The following CMSS1 variants were observed in gnomAD, a reference collection of about 807,000 sequenced individuals.
CMSS1 encodes protein CMSS1.
Under a neutral mutation model 43.5 loss-of-function variants are expected in CMSS1, and 33 were observed. The ratio of observed to expected loss-of-function variants is 0.76; its 90% CI spans 0.57 to 1.01. The LOEUF is 1.01. Among genes scored for constraint, CMSS1 ranks in the 50% least tolerant of loss-of-function variants. The probability of loss-of-function intolerance (pLI) is 0.00; values close to 1 mark genes in which losing one functional copy is unlikely to be tolerated. For missense variants in CMSS1, 313 were observed against 326.4 expected (o/e 0.96, Z 0.32); for synonymous variants, 115 against 117.2 (o/e 0.98, Z 0.12).
chr3:99,856,942 C>A (rs771112295), intron 1 of CMSS1, among the ~76,000 whole-genome samples: 1 of 152,078 alleles, frequency 6.6e-6, no homozygotes, highest in East Asian at 1.9e-4. Context: ...TAATTCTTAC[C>A]GCTTTTGATT....
chr3:99,859,644 G>A (rs1944141542), intron 1 of CMSS1, among the ~76,000 whole-genome samples: 1 of 152,060 alleles, frequency 6.6e-6, no homozygotes, highest in Non-Finnish European at 1.5e-5. Flanking sequence ...AGCAATTCTT[G>A]TCTAATACAT....
chr3:99,850,624 A>T lies in CMSS1; in HGVS notation c.64+32581A>T, dbSNP rs756489358. The T allele has an allele frequency of 3.1e-6, 5 of 1,613,832 alleles. No individual in the cohort carries two copies. The South Asian group carries it at 5.5e-5, about 18-fold the overall frequency. ...ACTGATTTTTTCTTTTATATCTTGC[A>T]GCTCCTCTTCTGCTTTTCGTAAAGA... On this transcript the variant is annotated intron_variant, in intron 1 of 9. Coordinates refer to ENST00000421999, the MANE Select transcript of CMSS1 (RefSeq NM_032359.4).
intron 1 of CMSS1, chr3:99,850,996 G>GT (rs776050654): frequency 1.5e-5 from 25 of 1,613,696 alleles, no homozygotes; most frequent in Non-Finnish European, 2.0e-5. Flanking sequence ...CTCTTTCAGG[G>GT]TGGTGACCCT....
At chr3:99,988,774 A>T (rs1709428876) in intron 1 of CMSS1, among the ~76,000 whole-genome samples, 1 of 152,220 alleles carries the variant, frequency 6.6e-6, no homozygotes, top group Admixed American at 6.5e-5. Context: ...ATAGTATAAT[A>T]ACACTTAAAC....
intron 1 of CMSS1, among the ~76,000 whole-genome samples, chr3:100,021,962 A>T (rs6790883): frequency 0.052 from 4,919 of 94,954 alleles, 68 homozygotes; most frequent in Non-Finnish European, 0.062. Flanking sequence ...TGTGTGTGTG[A>T]GAGAGAGAGA....
At chr3:99,897,970 A>G (rs1706312886) in intron 1 of CMSS1, among the ~76,000 whole-genome samples, 1 of 152,194 alleles carries the variant, frequency 6.6e-6, no homozygotes, top group South Asian at 2.1e-4. Flanking sequence ...TTAAGAAAAG[A>G]TATCCTACCT....
chr3:99,949,467 G>A (rs1559700195), intron 1 of CMSS1, among the ~76,000 whole-genome samples: 1 of 152,200 alleles, frequency 6.6e-6, no homozygotes, highest in Non-Finnish European at 1.5e-5. Flanking sequence ...ATGCATAACT[G>A]TCTGTGCTTC....
chr3:99,828,979 G>C (rs534761517), intron 1 of CMSS1, among the ~76,000 whole-genome samples: 301 of 152,044 alleles, frequency 2.0e-3, no homozygotes, highest in African/African-American at 6.8e-3. Flanking sequence ...TTTCAATGCT[G>C]CCCAGGCCTC....
At chr3:99,848,354 T>C in intron 1 of CMSS1, 2 of 1,614,180 alleles carry the variant, frequency 1.2e-6, no homozygotes, top group Non-Finnish European at 1.7e-6. Flanking sequence ...ATACTGCTGG[T>C]GACTTTATTG....
At chr3:100,109,008 G>A (rs981112614) in intron 1 of CMSS1, among the ~76,000 whole-genome samples, 3 of 151,536 alleles carry the variant, frequency 2.0e-5, no homozygotes, top group Non-Finnish European at 4.4e-5. Flanking sequence ...CTTTTTCAAT[G>A]CAGTTTGACA....
At chr3:100,047,445 A>T (rs2065295314) in intron 1 of CMSS1, among the ~76,000 whole-genome samples, 1 of 152,198 alleles carries the variant, frequency 6.6e-6, no homozygotes, top group Non-Finnish European at 1.5e-5. Flanking sequence ...CTATGTGTTT[A>T]AAAAAACTAA....
chr3:100,103,691 C>T (rs1241063476), intron 1 of CMSS1, among the ~76,000 whole-genome samples: 1 of 152,180 alleles, frequency 6.6e-6, no homozygotes, highest in African/African-American at 2.4e-5. Flanking sequence ...ATGGTCTCTT[C>T]CAGCAGCTAT....
intron 1 of CMSS1, among the ~76,000 whole-genome samples, chr3:99,992,546 T>G (rs2107137660): frequency 6.6e-6 from 1 of 152,262 alleles, no homozygotes; most frequent in South Asian, 2.1e-4. Flanking sequence ...TTTGAGTTCC[T>G]TGTAGATTCT....
intron 1 of CMSS1, among the ~76,000 whole-genome samples, chr3:100,135,344 A>T (rs763391435): frequency 5.4e-4 from 82 of 152,114 alleles, no homozygotes; most frequent in Admixed American, 9.2e-4. Context: ...AGGAAGAAGG[A>T]TTGGGAGCTT....
At chr3:100,145,215 C>T (rs1488105048) in intron 1 of CMSS1, among the ~76,000 whole-genome samples, 4 of 151,990 alleles carry the variant, frequency 2.6e-5, no homozygotes, top group Admixed American at 2.6e-4. Flanking sequence ...CCGAGGCAGG[C>T]GGATCACCTG....
intron 1 of CMSS1, among the ~76,000 whole-genome samples, chr3:100,041,890 A>T (rs2065211072): frequency 6.6e-6 from 1 of 152,162 alleles, no homozygotes; most frequent in Admixed American, 6.6e-5. Context: ...AATTTGATTT[A>T]AAAAAATAAT....
rs1279579100 is a variant in CMSS1 at position 100,097,446 on chromosome 3, TC to T, written c.65-49525del. Among the ~76,000 whole-genome samples, 6 of 152,290 alleles carry T rather than the reference TC, an allele frequency of 3.9e-5. No individual in the cohort carries two copies. The East Asian group carries it at 1.2e-3, about 29-fold the overall frequency. On this transcript the variant is annotated intron_variant, in intron 1 of 9. Transcript: ENST00000421999. Reference sequence around the variant, plus strand: ...CTCAGATTTTGGTATCTGAAGGGAGTCCTGGAACCAATCTTCTGTGGATATG... The same window carrying T: ...CTCAGATTTTGGTATCTGAAGGGAGTCTGGAACCAATCTTCTGTGGATATG...
intron 1 of CMSS1, among the ~76,000 whole-genome samples, chr3:99,853,619 G>T (rs187648104): frequency 6.6e-6 from 1 of 152,182 alleles, no homozygotes; most frequent in Non-Finnish European, 1.5e-5. Context: ...GGCATGTTGC[G>T]TATTTTTCAG....
intron 1 of CMSS1, among the ~76,000 whole-genome samples, chr3:99,955,534 C>T (rs1708296594): frequency 6.6e-6 from 1 of 152,134 alleles, no homozygotes; most frequent in South Asian, 2.1e-4. Context: ...GAACAGTTCC[C>T]AGCAATGCTT....
Sources: allele counts gnomAD v4.1 joint callset (sites outside exome capture counted in the v4.1 genomes callset), GRCh38; gene constraint gnomAD v4.1.1; transcripts MANE v1.5; gene names NCBI Gene and HGNC (gene_info 2026-07-23, HGNC 2026-07-21).